CSMD3: variants seen among roughly 807,000 people sequenced by gnomAD.
The protein encoded by CSMD3 is CUB and sushi domain-containing protein 3.
In CSMD3, 177 loss-of-function variants were observed where a neutral mutation model predicts 435.2. The ratio of observed to expected loss-of-function variants is 0.41; its 90% CI spans 0.36 to 0.46. The LOEUF is 0.46. CSMD3 is among the 20% of genes least tolerant of loss of function. The probability of loss-of-function intolerance (pLI) is 0.34; values close to 1 mark genes in which losing one functional copy is unlikely to be tolerated. For synonymous variants in CSMD3, 1,656 were observed against 1,520.5 expected (o/e 1.09, Z -2.07); for missense variants, 4,265 against 4,504.6 (o/e 0.95, Z 1.52).
At chr8:112,492,043 T>G (rs1403934341) in intron 31 of CSMD3, among the ~76,000 whole-genome samples, 2 of 152,338 alleles carry the variant, frequency 1.3e-5, no homozygotes, top group African/African-American at 4.8e-5. Flanking sequence ...AAATACATAT[T>G]CTTCTTTATC....
At chr8:112,620,992 T>C (rs1834024481) in intron 22 of CSMD3, among the ~76,000 whole-genome samples, 1 of 152,104 alleles carries the variant, frequency 6.6e-6, no homozygotes. Flanking sequence ...ATCCCAGCAC[T>C]TTGGTAGGCC....
chr8:112,405,909 G>C (rs1002426663), intron 35 of CSMD3, among the ~76,000 whole-genome samples: 1 of 152,032 alleles, frequency 6.6e-6, no homozygotes. Context: ...ATGACTACCA[G>C]AGTCTGAGAA....
chr8:112,277,606 C>T (rs937219701), intron 59 of CSMD3, among the ~76,000 whole-genome samples: 1 of 152,152 alleles, frequency 6.6e-6, no homozygotes, highest in Non-Finnish European at 1.5e-5. Flanking sequence ...TACAGCAGCA[C>T]CCAACTGCCA....
intron 11 of CSMD3, among the ~76,000 whole-genome samples, chr8:112,845,593 G>C (rs1323657732): frequency 6.6e-6 from 1 of 152,008 alleles, no homozygotes; most frequent in Admixed American, 6.6e-5. Flanking sequence ...GTTGCCCATG[G>C]CTTCCTCTAT....
chr8:112,570,199 AC>A (rs1420648096), intron 24 of CSMD3, among the ~76,000 whole-genome samples: 1 of 152,192 alleles, frequency 6.6e-6, no homozygotes, highest in African/African-American at 2.4e-5. Context: ...GAACTGTTTT[AC>A]TATCATGAAA....
chr8:112,982,162 G>A (rs1365651255), intron 6 of CSMD3, among the ~76,000 whole-genome samples: 2 of 151,844 alleles, frequency 1.3e-5, no homozygotes, highest in East Asian at 1.9e-4. Context: ...TTTCTCCGAT[G>A]TGTAGAGGTG....
intron 4 of CSMD3, among the ~76,000 whole-genome samples, chr8:113,153,130 AGAAGGAAGGAAGGAAGGAAGGAAGGAAG>A (rs35232074): frequency 1.2e-5 from 1 of 82,736 alleles, no homozygotes. Context: ...AGAAAGAGAA[AGAAGGAAGGAAGGAAGGAAGGAAGGAAG>A]GAAGGAAGGA....
At chr8:112,979,758 A>G (rs908460421) in intron 6 of CSMD3, among the ~76,000 whole-genome samples, 1 of 151,416 alleles carries the variant, frequency 6.6e-6, no homozygotes, top group African/African-American at 2.4e-5. Context: ...TCTTCATTTG[A>G]TATCAAATGA....
intron 1 of CSMD3, among the ~76,000 whole-genome samples, chr8:113,316,588 T>G (rs1563690781): frequency 6.6e-6 from 1 of 150,882 alleles, no homozygotes; most frequent in East Asian, 2.0e-4. Flanking sequence ...CTTGCTCTGT[T>G]GCCCAGGCTA....
intron 5 of CSMD3, among the ~76,000 whole-genome samples, chr8:113,068,335 T>C (rs1228065438): frequency 6.6e-6 from 1 of 152,136 alleles, no homozygotes; most frequent in East Asian, 1.9e-4. Context: ...CATGTAACCT[T>C]ATATTCCAAT....
intron 12 of CSMD3, among the ~76,000 whole-genome samples, chr8:112,817,679 GAT>G (rs2079413947): frequency 6.6e-6 from 1 of 151,990 alleles, no homozygotes; most frequent in Admixed American, 6.6e-5. Flanking sequence ...AGATAATAGA[GAT>G]AGAGAGAGAG....
rs2094494279 is a variant in CSMD3, at chr8:113,398,471, G to T, written c.178+38206C>A. ...ATCCCTAGTTTATTTTTACTTTTCA[G>T]AATATTCCTGCCAACACATGAAAGT... On this transcript the variant is annotated intron_variant, in intron 1 of 70. Transcript: ENST00000297405. Among the ~76,000 whole-genome samples the T allele has an allele frequency of 2.6e-5, 4 of 152,224 alleles. No individual in the cohort carries two copies. The South Asian group carries it at 8.3e-4, about 32-fold the overall frequency.
At chr8:112,384,487 C>T (rs1829762844) in intron 36 of CSMD3, among the ~76,000 whole-genome samples, 1 of 152,104 alleles carries the variant, frequency 6.6e-6, no homozygotes, top group South Asian at 2.1e-4. Context: ...ACTACGGATG[C>T]TACCTATTTT....
intron 3 of CSMD3, among the ~76,000 whole-genome samples, chr8:113,243,914 T>G (rs1206403729): frequency 6.6e-6 from 1 of 152,180 alleles, no homozygotes; most frequent in Non-Finnish European, 1.5e-5. Flanking sequence ...TTTTGTAGAA[T>G]GGGTATTGAA....
chr8:112,575,656 A>C (rs894575354), intron 23 of CSMD3, among the ~76,000 whole-genome samples: 3 of 152,112 alleles, frequency 2.0e-5, no homozygotes, highest in African/African-American at 7.2e-5. Context: ...AACAAAACCA[A>C]ACCAAATGTT....
At chr8:112,358,569 T>C (rs1826867344) in intron 38 of CSMD3, among the ~76,000 whole-genome samples, 1 of 152,134 alleles carries the variant, frequency 6.6e-6, no homozygotes. Context: ...CTTGTGACAG[T>C]GAATAAGTCT....
At chr8:113,077,709 A>C (rs1434964959) in intron 5 of CSMD3, among the ~76,000 whole-genome samples, 2 of 152,180 alleles carry the variant, frequency 1.3e-5, no homozygotes, top group Non-Finnish European at 2.9e-5. Context: ...GTCTCAAAAC[A>C]AAAACAAAAA....
chr8:112,645,908 G>C (rs969148397), intron 19 of CSMD3, among the ~76,000 whole-genome samples: 2 of 152,072 alleles, frequency 1.3e-5, no homozygotes, highest in South Asian at 4.1e-4. Context: ...GCTGGAGGAA[G>C]CAAAAAAATA....
chr8:113,334,673 G>A (rs182220395), intron 1 of CSMD3, among the ~76,000 whole-genome samples: 54 of 152,080 alleles, frequency 3.6e-4, no homozygotes, highest in Non-Finnish European at 5.9e-4. Context: ...ATTATCCAGC[G>A]AAACCATCTG....
Sources: allele counts gnomAD v4.1 joint callset (sites outside exome capture counted in the v4.1 genomes callset), GRCh38; gene constraint gnomAD v4.1.1; transcripts MANE v1.5; gene names NCBI Gene and HGNC (gene_info 2026-07-23, HGNC 2026-07-21).